EXOC6B: variants seen among roughly 807,000 people sequenced by gnomAD.
The protein encoded by EXOC6B is exocyst complex component 6B, also known as SEC15 homolog B.
A neutral mutation model predicts 113.5 loss-of-function variants in EXOC6B; 54 were observed. That is an observed-to-expected ratio of 0.48 (90% CI 0.38 to 0.60). EXOC6B has a LOEUF of 0.60. Among genes scored for constraint, EXOC6B ranks in the 20% least tolerant of loss-of-function variants. The pLI is 0.00. For synonymous variants in EXOC6B, 357 were observed against 339.0 expected, an observed-to-expected ratio of 1.05 and a Z score of -0.58; for missense variants, 797 against 977.5, an observed-to-expected ratio of 0.82 and a Z score of 2.46.
chr2:72,577,493 C>T (rs374646570), intron 6 of EXOC6B, among the ~76,000 whole-genome samples: 7 of 152,046 alleles, frequency 4.6e-5, no homozygotes, highest in East Asian at 1.9e-4. Flanking sequence ...CAAAACCAAA[C>T]GATTTCATAA....
chr2:72,184,113 G>A lies in EXOC6B; in HGVS notation c.2271C>T (p.Leu757=). 1 of 1,566,296 alleles carries A rather than the reference G, an allele frequency of 6.4e-7. No homozygotes were observed. The highest frequency in any genetic ancestry group is 1.2e-5 in the South Asian group (1 of 84,830). ...TCAGAGCAGTCACTGGGTTTACCCG[G>A]AGGTACTTGCAGTTGGGCTGACCAT... ...ADYGQPNCKY[L]RVNPVTALTL... Residue 757 remains leucine, a synonymous_variant, in exon 21 of 22, where the codon CTC becomes CTT. Coordinates refer to ENST00000272427, the MANE Select transcript of EXOC6B (RefSeq NM_015189.3).
At chr2:72,470,623 CT>C (rs1225782410) in intron 17 of EXOC6B, among the ~76,000 whole-genome samples, 29 of 150,754 alleles carry the variant, frequency 1.9e-4, no homozygotes, top group East Asian at 9.8e-4. Flanking sequence ...CCCCCTCCCC[CT>C]ACCCCACAAC....
intron 18 of EXOC6B, among the ~76,000 whole-genome samples, chr2:72,437,863 T>C (rs1695968891): frequency 6.6e-6 from 1 of 152,154 alleles, no homozygotes; most frequent in African/African-American, 2.4e-5. Flanking sequence ...TATTTAGCAA[T>C]ATATTAAAAT....
In EXOC6B at chr2:72,496,674, C is replaced by G. The variant is rs192743152; in HGVS notation, c.1338-115G>C. On this transcript the variant is annotated intron_variant, in intron 13 of 21. Coordinates refer to ENST00000272427, the MANE Select transcript of EXOC6B (RefSeq NM_015189.3). Reference sequence around the variant, plus strand: ...AAATATTTTTCTGATGAACTCCAATCTTAATATATATGCCACAACCCAAAA... The same window carrying G: ...AAATATTTTTCTGATGAACTCCAATGTTAATATATATGCCACAACCCAAAA... 2,799 of 689,390 alleles carry G rather than the reference C, an allele frequency of 4.1e-3. 15 individuals are homozygous for G. Among genetic ancestry groups the G allele is most frequent in the Non-Finnish European group, 5.8e-3 (2,234 of 383,756 alleles). The allele number at this position is 689,390 out of a possible 1,614,324, so 42.7% of individuals were successfully genotyped here.
At chr2:72,269,978 T>C (rs1684384328) in intron 20 of EXOC6B, among the ~76,000 whole-genome samples, 4 of 152,096 alleles carry the variant, frequency 2.6e-5, no homozygotes, top group Admixed American at 1.3e-4. Context: ...TAATAGGGGA[T>C]GTGAAGAGGT....
rs574289128 is a variant in EXOC6B, at chr2:72,405,265, C to T, written c.1981-25395G>A. ...AGTGACAGGGAGAATGGAACCAAGT[C>T]AGAAAACACTCTGCAGGATATTATC... On this transcript the variant is annotated intron_variant, in intron 18 of 21. Coordinates refer to ENST00000272427, the MANE Select transcript of EXOC6B (RefSeq NM_015189.3). Among the ~76,000 whole-genome samples, 185 of 152,244 alleles carry T rather than the reference C, an allele frequency of 1.2e-3. 2 individuals carry two copies. Among genetic ancestry groups the T allele is most frequent in the African/African-American group, 4.2e-3 (175 of 41,544 alleles).
intron 18 of EXOC6B, among the ~76,000 whole-genome samples, chr2:72,388,849 C>T (rs1343156640): frequency 2.6e-5 from 4 of 151,986 alleles, no homozygotes; most frequent in Non-Finnish European, 5.9e-5. Flanking sequence ...GTCTACTTTA[C>T]CAGACATTAA....
At chr2:72,675,443 C>T (rs1329356449) in intron 6 of EXOC6B, among the ~76,000 whole-genome samples, 1 of 152,038 alleles carries the variant, frequency 6.6e-6, no homozygotes, top group Non-Finnish European at 1.5e-5. Flanking sequence ...TCATAAGATC[C>T]CCTGACGCAG....
intron 6 of EXOC6B, among the ~76,000 whole-genome samples, chr2:72,637,108 A>G (rs919393312): frequency 6.6e-6 from 1 of 152,228 alleles, no homozygotes; most frequent in Non-Finnish European, 1.5e-5. Flanking sequence ...GTATAAACCT[A>G]ACAAGTTATG....
At chr2:72,592,214 A>C (rs867570887) in intron 6 of EXOC6B, among the ~76,000 whole-genome samples, 1 of 152,194 alleles carries the variant, frequency 6.6e-6, no homozygotes, top group South Asian at 2.1e-4. Context: ...CCAGGAAAGG[A>C]AAGTGGGGAA....
chr2:72,706,218 C>T (rs1204553752), intron 6 of EXOC6B, among the ~76,000 whole-genome samples: 1 of 152,084 alleles, frequency 6.6e-6, no homozygotes, highest in African/African-American at 2.4e-5. Context: ...CACTTGTGAA[C>T]AGATTTCTGG....
chr2:72,570,600 G>C (rs763309384), intron 7 of EXOC6B, among the ~76,000 whole-genome samples: 22 of 152,148 alleles, frequency 1.4e-4, no homozygotes, highest in Non-Finnish European at 2.9e-4. Flanking sequence ...GGATGACATG[G>C]TTACCACTGT....
chr2:72,601,910 A>C (rs756477149), intron 6 of EXOC6B, among the ~76,000 whole-genome samples: 1 of 152,218 alleles, frequency 6.6e-6, no homozygotes, highest in Non-Finnish European at 1.5e-5. Flanking sequence ...GAAAGGAGCC[A>C]GTTTGAAGGC....
chr2:72,679,213 C>T (rs1275984036), intron 6 of EXOC6B, among the ~76,000 whole-genome samples: 2 of 152,076 alleles, frequency 1.3e-5, no homozygotes, highest in Non-Finnish European at 2.9e-5. Context: ...ATTACAGGCA[C>T]ATGCCACCAC....
At chr2:72,671,819 G>GAAAGAAAGAAAGAAAC (rs1553464116) in intron 6 of EXOC6B, among the ~76,000 whole-genome samples, 3 of 132,898 alleles carry the variant, frequency 2.3e-5, no homozygotes, top group African/African-American at 8.3e-5. Context: ...AAGAAAGAAA[G>GAAAGAAAGAAAGAAAC]AAGAGAAAAG....
chr2:72,315,680 C>T (rs1687475580), intron 20 of EXOC6B, among the ~76,000 whole-genome samples: 1 of 151,612 alleles, frequency 6.6e-6, no homozygotes, highest in South Asian at 2.1e-4. Context: ...GTGTGATGTG[C>T]GAGAAAAAAG....
chr2:72,500,838 G>A (rs1444720556), intron 11 of EXOC6B, among the ~76,000 whole-genome samples: 4 of 152,112 alleles, frequency 2.6e-5, no homozygotes, highest in East Asian at 3.8e-4. Context: ...AGTCCTGAAA[G>A]AGGTGTTTTG....
At chr2:72,332,575 C>A (rs1688471288) in intron 20 of EXOC6B, among the ~76,000 whole-genome samples, 1 of 152,020 alleles carries the variant, frequency 6.6e-6, no homozygotes, top group Non-Finnish European at 1.5e-5. Flanking sequence ...TAAGAAATAT[C>A]TTTCTAGTAA....
At chr2:72,559,542 CA>C in intron 7 of EXOC6B, 21 bp from the exon 8 acceptor site, 3 of 1,592,550 alleles carry the variant, frequency 1.9e-6, no homozygotes, top group Non-Finnish European at 2.6e-6. Flanking sequence ...AAGATTATAA[CA>C]AAAAAATTCA....
Sources: allele counts gnomAD v4.1 joint callset (sites outside exome capture counted in the v4.1 genomes callset), GRCh38; gene constraint gnomAD v4.1.1; transcripts MANE v1.5; gene names NCBI Gene and HGNC (gene_info 2026-07-23, HGNC 2026-07-21).